Variants in NMNAT3 observed in about 807,000 individuals in gnomAD.
The protein encoded by NMNAT3 is nicotinamide/nicotinic acid mononucleotide adenylyltransferase 3.
In NMNAT3, 21 loss-of-function variants were observed where a neutral mutation model predicts 24.8. The observed-to-expected ratio is 0.85, with a 90% CI of 0.60 to 1.22. The LOEUF (loss-of-function observed/expected upper bound fraction) is 1.22. NMNAT3 is among the 50% of genes most tolerant of loss of function. The pLI is 0.00. For synonymous variants in NMNAT3, 136 were observed against 155.2 expected (o/e 0.88, Z 0.92); for missense variants, 387 against 436.6 (o/e 0.89, Z 1.01).
chr3:139,669,054 T>C (rs1177869885), intron 1 of NMNAT3, among the ~76,000 whole-genome samples: 1 of 152,222 alleles, frequency 6.6e-6, no homozygotes, highest in East Asian at 1.9e-4. Flanking sequence ...AGTATGGCCT[T>C]TATTTGTAGT....
intron 3 of NMNAT3, among the ~76,000 whole-genome samples, chr3:139,602,350 T>G (rs2054755006): frequency 1.3e-5 from 2 of 152,134 alleles, no homozygotes; most frequent in Admixed American, 1.3e-4. Flanking sequence ...CCAGTCAACC[T>G]CCCTTGCCTG....
intron 3 of NMNAT3, among the ~76,000 whole-genome samples, chr3:139,588,162 C>G (rs761553135): frequency 1.3e-5 from 2 of 152,296 alleles, no homozygotes; most frequent in South Asian, 2.1e-4. Context: ...GGCCCTCCCC[C>G]ACTAGATGCA....
intron 3 of NMNAT3, among the ~76,000 whole-genome samples, chr3:139,604,910 G>A (rs11921063): frequency 0.11 from 16,183 of 152,172 alleles, 1,853 homozygotes; most frequent in African/African-American, 0.28. Flanking sequence ...GTGTGGTGCA[G>A]AATGTGGTGG....
intron 3 of NMNAT3, among the ~76,000 whole-genome samples, chr3:139,620,298 C>T (rs1282235966): frequency 2.0e-5 from 3 of 150,666 alleles, no homozygotes; most frequent in Non-Finnish European, 4.4e-5. Flanking sequence ...TAGGTTTTGA[C>T]ATACGTATAT....
intron 1 of NMNAT3, among the ~76,000 whole-genome samples, chr3:139,654,203 T>TA (rs1230273330): frequency 2.0e-5 from 3 of 152,154 alleles, no homozygotes; most frequent in African/African-American, 2.4e-5. Flanking sequence ...AATCTGCAGA[T>TA]AAAAATAAAG....
In NMNAT3 at chr3:139,667,461, C is replaced by CT. The variant is rs1246304259; in HGVS notation, c.-141+10243dup. On this transcript the variant is annotated intron_variant, in intron 1 of 6. Transcript: ENST00000643695. Reference sequence around the variant, plus strand: ...ATTTAAAAAAATCAAAATATTTGGGCTTTTTTTTGCTATTGAGTTGAGTTC... The same window carrying CT: ...ATTTAAAAAAATCAAAATATTTGGGCTTTTTTTTTGCTATTGAGTTGAGTTC... Among the ~76,000 whole-genome samples, 8 of 151,866 alleles carry CT rather than the reference C, an allele frequency of 5.3e-5. No homozygotes were observed. The East Asian group carries it at 5.8e-4, about 11-fold the overall frequency.
At chr3:139,606,122 C>G (rs2054932179) in intron 3 of NMNAT3, among the ~76,000 whole-genome samples, 1 of 152,168 alleles carries the variant, frequency 6.6e-6, no homozygotes, top group Non-Finnish European at 1.5e-5. Flanking sequence ...GTGATCTGAA[C>G]CAGGAAACTA....
At chr3:139,615,649 GTGACTTCCA>G (rs1368042647) in intron 3 of NMNAT3, among the ~76,000 whole-genome samples, 1 of 152,048 alleles carries the variant, frequency 6.6e-6, no homozygotes, top group African/African-American at 2.4e-5. Context: ...AGTGAGATGC[GTGACTTCCA>G]TTATCTATAA....
intron 1 of NMNAT3, among the ~76,000 whole-genome samples, chr3:139,673,867 G>A (rs1311380866): frequency 6.6e-6 from 1 of 152,032 alleles, no homozygotes; most frequent in Non-Finnish European, 1.5e-5. Context: ...AGCTGTGGAA[G>A]TGCTCACAGC....
At chr3:139,609,465 C>T (rs540746954) in intron 3 of NMNAT3, among the ~76,000 whole-genome samples, 9 of 152,256 alleles carry the variant, frequency 5.9e-5, no homozygotes, top group East Asian at 1.9e-4. Flanking sequence ...GTGGGTTTTA[C>T]GTTGCATTTC....
At chr3:139,672,293 C>T (rs890268264) in intron 1 of NMNAT3, among the ~76,000 whole-genome samples, 3 of 152,038 alleles carry the variant, frequency 2.0e-5, no homozygotes, top group Non-Finnish European at 2.9e-5. Flanking sequence ...GAAAGGGGGG[C>T]GTACTGATGG....
At chr3:139,599,517 C>T in intron 3 of NMNAT3, 1 of 649,970 alleles carries the variant, frequency 1.5e-6, no homozygotes, top group Non-Finnish European at 2.7e-6. Flanking sequence ...AATCAAGTAA[C>T]AAAGAAGCTT....
intron 3 of NMNAT3, among the ~76,000 whole-genome samples, chr3:139,617,184 C>T (rs1159594201): frequency 6.6e-6 from 1 of 152,084 alleles, no homozygotes; most frequent in Non-Finnish European, 1.5e-5. Context: ...GGAGCGTCCC[C>T]CTGAGTGGCA....
At chr3:139,597,101 C>G (rs141767683) in intron 3 of NMNAT3, among the ~76,000 whole-genome samples, 1 of 151,764 alleles carries the variant, frequency 6.6e-6, no homozygotes, top group African/African-American at 2.4e-5. Flanking sequence ...TCTAAGGACA[C>G]AGTAACACCA....
intron 1 of NMNAT3, among the ~76,000 whole-genome samples, chr3:139,646,140 T>C (rs920899195): frequency 2.6e-5 from 4 of 152,214 alleles, no homozygotes; most frequent in African/African-American, 9.6e-5. Context: ...TGCTCTTCTA[T>C]ACTACTTGAG....
At chr3:139,574,767 G>T (rs541702888) in intron 5 of NMNAT3, among the ~76,000 whole-genome samples, 1 of 152,142 alleles carries the variant, frequency 6.6e-6, no homozygotes, top group African/African-American at 2.4e-5. Context: ...TTAATGCTGG[G>T]CTTATCTACA....
chr3:139,644,970 G>A (rs868711115), intron 1 of NMNAT3, among the ~76,000 whole-genome samples: 10 of 152,170 alleles, frequency 6.6e-5, no homozygotes, highest in East Asian at 1.9e-4. Context: ...TTGGGAGGCC[G>A]AGGTGGATGG....
intron 4 of NMNAT3, chr3:139,582,916 A>G: frequency 7.0e-7 from 1 of 1,427,484 alleles, no homozygotes; most frequent in Non-Finnish European, 9.3e-7. Context: ...AAATATATAT[A>G]TATTTTTTAC....
intron 3 of NMNAT3, among the ~76,000 whole-genome samples, chr3:139,593,434 T>C (rs1398489575): frequency 2.0e-5 from 3 of 152,132 alleles, no homozygotes; most frequent in Non-Finnish European, 4.4e-5. Flanking sequence ...TACCCAGGAA[T>C]TGAACTCAGC....
Sources: gnomAD v4.1 joint callset for allele counts (sites outside exome capture counted in the v4.1 genomes callset) on GRCh38, gnomAD v4.1.1 for gene constraint, MANE v1.5 for transcripts, NCBI Gene and HGNC (gene_info 2026-07-23, HGNC 2026-07-21) for gene names.